TRHDE: variants seen among roughly 807,000 people sequenced by gnomAD.
TRHDE encodes thyrotropin releasing hormone degrading enzyme, also known as thyrotropin-releasing hormone-degrading ectoenzyme.
A neutral mutation model predicts 125.7 loss-of-function variants in TRHDE; 72 were observed. The observed-to-expected ratio is 0.57, with a 90% confidence interval of 0.47 to 0.70. The LOEUF (loss-of-function observed/expected upper bound fraction) is 0.70, where lower values mean the gene tolerates loss of function less well. Ranked by LOEUF, TRHDE falls within the 30% of genes least tolerant of loss-of-function variation. The probability of loss-of-function intolerance (pLI) is 0.00; values close to 1 mark genes in which losing one functional copy is unlikely to be tolerated. For synonymous variants in TRHDE, 509 were observed against 509.1 expected (o/e 1.00, Z 0.00); for missense variants, 1,110 against 1,327.1 (o/e 0.84, Z 2.54).
chr12:72,483,994 C>A (rs1462518707), intron 5 of TRHDE, among the ~76,000 whole-genome samples: 4 of 151,938 alleles, frequency 2.6e-5, no homozygotes, highest in African/African-American at 9.7e-5. Context: ...AAATTCATCA[C>A]CATGTTAATA....
At chr12:72,599,333 T>C (rs1483793589) in intron 12 of TRHDE, among the ~76,000 whole-genome samples, 1 of 152,152 alleles carries the variant, frequency 6.6e-6, no homozygotes, top group Admixed American at 6.5e-5. Context: ...TAATTTATAT[T>C]CCCTTCATCA....
rs568930088 is a variant in TRHDE, at chr12:72,561,015, C to G, written c.1789-1150C>G. ...GAATGTTCAAAGCCAAATTAGGATT[C>G]AGAATGGTTATTCAGGGTTATGTTT... On this transcript the variant is annotated intron_variant, in intron 7 of 18. Coordinates refer to ENST00000261180, the MANE Select transcript of TRHDE (RefSeq NM_013381.3). 9.9e-5 allele frequency among the ~76,000 whole-genome samples: 15 copies of G among 152,254 alleles called. No homozygotes were observed. In the South Asian group the frequency reaches 3.1e-3, roughly 32 times the overall value.
intron 2 of TRHDE, among the ~76,000 whole-genome samples, chr12:72,355,362 T>A (rs17111090): frequency 0.058 from 8,765 of 151,574 alleles, 477 homozygotes; most frequent in African/African-American, 0.13. Context: ...TTACCATGCA[T>A]ACCTTGTAGG....
At chr12:72,112,536 A>G (rs2220158) in intron 2 of TRHDE, among the ~76,000 whole-genome samples, 114,909 of 152,136 alleles carry the variant, frequency 0.76, 44,027 homozygotes, top group Non-Finnish European at 0.82. Context: ...CCTATTAAAT[A>G]AGTAAATGAA....
intron 2 of TRHDE, among the ~76,000 whole-genome samples, chr12:72,317,934 A>G (rs1212211415): frequency 6.6e-6 from 1 of 152,132 alleles, no homozygotes; most frequent in Non-Finnish European, 1.5e-5. Context: ...AACGAGGCAC[A>G]GGTAAGAGGT....
At chr12:72,339,232 C>A (rs182773734) in intron 2 of TRHDE, among the ~76,000 whole-genome samples, 1 of 152,068 alleles carries the variant, frequency 6.6e-6, no homozygotes, top group Non-Finnish European at 1.5e-5. Flanking sequence ...AGTTTAATTT[C>A]TACTAATTAT....
At chr12:72,340,804 G>A (rs764140675) in intron 2 of TRHDE, among the ~76,000 whole-genome samples, 6 of 152,088 alleles carry the variant, frequency 3.9e-5, no homozygotes, top group East Asian at 3.9e-4. Flanking sequence ...ATGGTCACAC[G>A]GTGTAGAATG....
At position 72,482,614 on chromosome 12, in the gene TRHDE, A is replaced by G. The variant is rs1592479259; in HGVS notation, c.1584+9434A>G. ...TAAATATCACAGCTTTGCTTGCAAGATAGGTTACTTAAATAGCAGATTTCT... is the reference window on the plus strand; with the variant it reads ...TAAATATCACAGCTTTGCTTGCAAGGTAGGTTACTTAAATAGCAGATTTCT... On this transcript the variant is annotated intron_variant, in intron 5 of 18. Transcript: ENST00000261180. Among the ~76,000 whole-genome samples the G allele has an allele frequency of 2.6e-5, 4 of 151,922 alleles. No individual in the cohort carries two copies. In the East Asian group the frequency reaches 7.7e-4, roughly 29 times the overall value.
chr12:72,272,862 C>A lies in TRHDE; in HGVS notation c.219C>A (p.Arg73=). 2 of 1,580,804 alleles carry A rather than the reference C, an allele frequency of 1.3e-6. No homozygotes were observed. Among genetic ancestry groups the A allele is most frequent in the Non-Finnish European group, 1.7e-6 (2 of 1,171,540 alleles). The change falls in exon 1 of 19, where the codon CGC becomes CGA. Residue 73 remains arginine, a synonymous_variant. Coordinates refer to ENST00000261180, the MANE Select transcript of TRHDE (RefSeq NM_013381.3). This position sits in a 1 kb window ranked among gnomAD's most constrained non-coding sequence, Gnocchi z 6.7. The stretch of plus-strand genomic sequence containing the variant: ...CAGACTCAGTGGGAGTGCGACCCCG[C>A]ACCACGGAGCGCCACATCGCCGTAC... ...PWADSVGVRP[R]TTERHIAVHK...
rs192742605 is a variant in TRHDE at position 72,608,166 on chromosome 12, G to A, written c.2322-10725G>A. Among the ~76,000 whole-genome samples the A allele has an allele frequency of 1.8e-4, 27 of 152,188 alleles. No homozygotes were observed. In the East Asian group the frequency reaches 5.0e-3, roughly 28 times the overall value. ...CAAAATTCAGCCCTACAGTTATGTA[G>A]AGGAAGCAATTACTCCCATGCGCCA... On this transcript the variant is annotated intron_variant, in intron 12 of 18. Coordinates refer to ENST00000261180, the MANE Select transcript of TRHDE (RefSeq NM_013381.3).
chr12:72,260,179 A>T (rs541340620), intron 2 of TRHDE, among the ~76,000 whole-genome samples: 1 of 152,150 alleles, frequency 6.6e-6, no homozygotes, highest in East Asian at 1.9e-4. Flanking sequence ...CTTACCTTAT[A>T]TGCTGATTTC....
chr12:72,410,210 A>AAT (rs1007365949), intron 3 of TRHDE, among the ~76,000 whole-genome samples: 12 of 151,484 alleles, frequency 7.9e-5, no homozygotes, highest in African/African-American at 2.4e-4. Context: ...TTGACAAACA[A>AAT]ATATATATAT....
chr12:72,296,042 A>C (rs1055674304), intron 2 of TRHDE, among the ~76,000 whole-genome samples: 3 of 152,170 alleles, frequency 2.0e-5, no homozygotes, highest in African/African-American at 7.2e-5. Flanking sequence ...TCTGCTGTTC[A>C]TAGAGCTTTC....
intron 3 of TRHDE, among the ~76,000 whole-genome samples, chr12:72,456,886 A>G (rs1875883061): frequency 6.6e-6 from 1 of 152,158 alleles, no homozygotes; most frequent in Admixed American, 6.6e-5. Flanking sequence ...ATGTAAATTG[A>G]ACTAGGGAAT....
chr12:72,125,310 T>C (rs1293794618), intron 2 of TRHDE, among the ~76,000 whole-genome samples: 2 of 152,202 alleles, frequency 1.3e-5, no homozygotes, highest in South Asian at 2.1e-4. Context: ...GTTGTTTATA[T>C]GTATTTGAAT....
intron 5 of TRHDE, among the ~76,000 whole-genome samples, chr12:72,475,589 T>C (rs1032668983): frequency 6.6e-6 from 1 of 152,170 alleles, no homozygotes; most frequent in African/African-American, 2.4e-5. Context: ...ATCAGTTACA[T>C]TGTAAATATA....
chr12:72,607,665 T>TATCA (rs1216005866), intron 12 of TRHDE, among the ~76,000 whole-genome samples: 2 of 152,162 alleles, frequency 1.3e-5, no homozygotes, highest in Admixed American at 6.5e-5. Context: ...AATTTAAGTC[T>TATCA]ATCAGATAGG....
In TRHDE at chr12:72,668,644, T is replaced by G. The variant is rs1875177670; in HGVS notation, c.*5449T>G. On this transcript the variant is annotated 3_prime_UTR_variant, in exon 19 of 19. Transcript: ENST00000261180. ...AAGCTACAAAAATTTGAATGCCTAC[T>G]AAATGCTAGGCACTTTATAGGTGTC... 6.6e-6 allele frequency: 1 copy of G among 151,862 alleles called. No individual in the cohort carries two copies. Among genetic ancestry groups the G allele is most frequent in the African/African-American group, 2.4e-5 (1 of 41,418 alleles). 9.4% of individuals were successfully genotyped at this position (151,862 alleles called of 1,614,324 possible). A position where few individuals can be genotyped will look rare whatever the true frequency, so the allele number is the denominator to read the frequency against.
At chr12:72,298,919 T>G (rs1490382608) in intron 2 of TRHDE, among the ~76,000 whole-genome samples, 1 of 152,198 alleles carries the variant, frequency 6.6e-6, no homozygotes, top group African/African-American at 2.4e-5. Flanking sequence ...ATTAAGTGAC[T>G]GTCTGGGCAA....
Sources: allele counts gnomAD v4.1 joint callset (sites outside exome capture counted in the v4.1 genomes callset), GRCh38; gene constraint gnomAD v4.1.1; non-coding constraint Gnocchi (gnomAD v3.1); transcripts MANE v1.5; gene names NCBI Gene and HGNC (gene_info 2026-07-23, HGNC 2026-07-21).